SPIN1: variants seen among roughly 807,000 people sequenced by gnomAD.
The protein encoded by SPIN1 is spindlin 1.
A neutral mutation model predicts 26.0 loss-of-function variants in SPIN1; 3 were observed. The observed-to-expected ratio is 0.12, with a 90% CI of 0.05 to 0.30. SPIN1 has a LOEUF of 0.30. Ranked by LOEUF, SPIN1 falls within the 10% of genes least tolerant of loss-of-function variation. The pLI is 1.00. For synonymous variants in SPIN1, 101 were observed against 116.5 expected, an observed-to-expected ratio of 0.87 and a Z score of 0.86; for missense variants, 126 against 333.4, an observed-to-expected ratio of 0.38 and a Z score of 4.84.
intron 1 of SPIN1, among the ~76,000 whole-genome samples, chr9:88,422,195 C>T (rs1827683096): frequency 1.3e-5 from 2 of 152,192 alleles, no homozygotes; most frequent in Admixed American, 1.3e-4. Context: ...ATGGGTCTCT[C>T]TGAATGCAGG....
intron 1 of SPIN1, among the ~76,000 whole-genome samples, chr9:88,414,166 C>T (rs962699225): frequency 1.3e-5 from 2 of 152,312 alleles, no homozygotes; most frequent in Non-Finnish European, 2.9e-5. Flanking sequence ...ATGTGAGCCT[C>T]TGTGTCCAGA....
chr9:88,460,682 C>T (rs141178243), intron 3 of SPIN1, among the ~76,000 whole-genome samples: 1 of 152,176 alleles, frequency 6.6e-6, no homozygotes, highest in Non-Finnish European at 1.5e-5. Context: ...TCAGGCAGGC[C>T]AGCAGGAAGA....
chr9:88,420,262 C>T (rs763707612), intron 1 of SPIN1, among the ~76,000 whole-genome samples: 5 of 152,236 alleles, frequency 3.3e-5, no homozygotes, highest in African/African-American at 4.8e-5. Flanking sequence ...GTAATCCCAG[C>T]TCCTCGGAAG....
intron 2 of SPIN1, among the ~76,000 whole-genome samples, chr9:88,443,353 T>A (rs908275182): frequency 6.6e-6 from 1 of 152,210 alleles, no homozygotes; most frequent in Non-Finnish European, 1.5e-5. Flanking sequence ...CTAATAAGCC[T>A]GTCTCTGAAA....
intron 1 of SPIN1, among the ~76,000 whole-genome samples, chr9:88,398,373 T>C (rs1023745927): frequency 2.6e-5 from 4 of 152,070 alleles, no homozygotes; most frequent in Admixed American, 2.6e-4. Context: ...AAAGGCTGAG[T>C]TTCATGAAAG....
At position 88,411,292 on chromosome 9, in the gene SPIN1, A is replaced by C. The variant is rs1587780715; in HGVS notation, c.-158-15090A>C. On this transcript the variant is annotated intron_variant, in intron 1 of 5. Transcript: ENST00000375859. Reference sequence around the variant, plus strand: ...CCACAGTGGCATATGTGACAAACTCAAAGCCCCTGGAGCACTTGGTGTTTG... The same window carrying C: ...CCACAGTGGCATATGTGACAAACTCCAAGCCCCTGGAGCACTTGGTGTTTG... 3.8e-6 allele frequency: 5 copies of C among 1,310,844 alleles called. No homozygotes were observed. The East Asian group carries it at 1.1e-4, about 30-fold the overall frequency. 81.2% of individuals were successfully genotyped at this position (1,310,844 alleles called of 1,614,324 possible).
chr9:88,449,993 T>C (rs1167329094), intron 3 of SPIN1, among the ~76,000 whole-genome samples: 1 of 152,204 alleles, frequency 6.6e-6, no homozygotes, highest in Non-Finnish European at 1.5e-5. Flanking sequence ...GTCTCCAAAA[T>C]GTGTACGTGA....
chr9:88,398,647 C>T (rs1295629471), intron 1 of SPIN1, among the ~76,000 whole-genome samples: 1 of 152,094 alleles, frequency 6.6e-6, no homozygotes, highest in Non-Finnish European at 1.5e-5. Flanking sequence ...GCGATGTTGG[C>T]TCATCGCAAC....
At chr9:88,446,959 A>G (rs1170503275) in intron 2 of SPIN1, among the ~76,000 whole-genome samples, 2 of 152,130 alleles carry the variant, frequency 1.3e-5, no homozygotes, top group Non-Finnish European at 2.9e-5. Flanking sequence ...CTGTGGTTAT[A>G]TGCTTTTTAT....
chr9:88,425,181 A>G (rs547942056), intron 1 of SPIN1, among the ~76,000 whole-genome samples: 1 of 152,198 alleles, frequency 6.6e-6, no homozygotes, highest in South Asian at 2.1e-4. Flanking sequence ...ATAGGGGCCC[A>G]TTAGATAGGT....
At chr9:88,471,855 C>A (rs753525548) in intron 5 of SPIN1, among the ~76,000 whole-genome samples, 1 of 151,378 alleles carries the variant, frequency 6.6e-6, no homozygotes, top group African/African-American at 2.4e-5. Flanking sequence ...TTTTTTGAGA[C>A]AGTCGCACTC....
chr9:88,418,141 T>TA lies in SPIN1; in HGVS notation c.-158-8240dup, dbSNP rs1413392118. 5.3e-5 allele frequency among the ~76,000 whole-genome samples: 8 copies of TA among 152,292 alleles called. No individual in the cohort carries two copies. The East Asian group carries it at 1.4e-3, about 26-fold the overall frequency. On this transcript the variant is annotated intron_variant, in intron 1 of 5. Transcript: ENST00000375859. ...GCCCACTGGTGATCAGCTTAGCTTT[T>TA]AGCCCTCTCCTCTACCCGCCTCCCT... is the stretch of plus-strand genomic sequence containing the variant.
At chr9:88,396,473 A>C (rs529679156) in intron 1 of SPIN1, among the ~76,000 whole-genome samples, 37 of 150,546 alleles carry the variant, frequency 2.5e-4, no homozygotes, top group African/African-American at 8.8e-4. Flanking sequence ...GTGGTGGCGC[A>C]TGCCTGTAAT....
At chr9:88,429,653 C>T (rs886152905) in intron 2 of SPIN1, among the ~76,000 whole-genome samples, 1 of 152,182 alleles carries the variant, frequency 6.6e-6, no homozygotes, top group Admixed American at 6.5e-5. Context: ...TAGTGTTGCG[C>T]TATCTGGAAG....
At chr9:88,423,847 C>T (rs1827717232) in intron 1 of SPIN1, among the ~76,000 whole-genome samples, 1 of 151,936 alleles carries the variant, frequency 6.6e-6, no homozygotes, top group African/African-American at 2.4e-5. Flanking sequence ...CTCACTACAA[C>T]CTCTGCCTCC....
intron 1 of SPIN1, among the ~76,000 whole-genome samples, chr9:88,402,619 C>T (rs1421050652): frequency 6.6e-6 from 1 of 151,994 alleles, no homozygotes; most frequent in Admixed American, 6.6e-5. Context: ...TCCAGCTTCA[C>T]CCATGTTGCT....
chr9:88,447,836 A>G (rs1173281038), intron 2 of SPIN1, among the ~76,000 whole-genome samples: 1 of 152,026 alleles, frequency 6.6e-6, no homozygotes, highest in Non-Finnish European at 1.5e-5. Flanking sequence ...TTGCCCAAAA[A>G]TTGCTTCCAG....
chr9:88,471,751 T>A (rs1262145647), intron 5 of SPIN1, among the ~76,000 whole-genome samples: 1 of 151,586 alleles, frequency 6.6e-6, no homozygotes, highest in Admixed American at 6.6e-5. Context: ...TTTGTATGTC[T>A]GTTGCTGTGC....
At chr9:88,445,570 G>C (rs909090062) in intron 2 of SPIN1, among the ~76,000 whole-genome samples, 6 of 126,136 alleles carry the variant, frequency 4.8e-5, no homozygotes, top group African/African-American at 1.6e-4. Flanking sequence ...ATTATATTGA[G>C]ATGGAGTCTT....
Sources: gnomAD v4.1 joint callset for allele counts (sites outside exome capture counted in the v4.1 genomes callset) on GRCh38, gnomAD v4.1.1 for gene constraint, MANE v1.5 for transcripts, NCBI Gene and HGNC (gene_info 2026-07-23, HGNC 2026-07-21) for gene names.